PHC3: variants seen among roughly 807,000 people sequenced by gnomAD.
PHC3 encodes polyhomeotic-like protein 3.
In PHC3, 13 loss-of-function variants were observed where a neutral mutation model predicts 107.4. That is an observed-to-expected ratio of 0.12 (90% confidence interval 0.08 to 0.19). The LOEUF is 0.19. PHC3 is among the 10% of genes least tolerant of loss of function. The pLI is 1.00. For synonymous variants in PHC3, 456 were observed against 427.4 expected (o/e 1.07, Z -0.83); for missense variants, 992 against 1,210.9 (o/e 0.82, Z 2.68).
At chr3:170,180,432 AGAGT>A (rs1182314056) in intron 1 of PHC3, among the ~76,000 whole-genome samples, 1 of 152,298 alleles carries the variant, frequency 6.6e-6, no homozygotes, top group South Asian at 2.1e-4. Context: ...CTGGGAGATA[AGAGT>A]GAGAGACGCT....
At position 170,128,699 on chromosome 3, in the gene PHC3, A is replaced by G. The variant is rs1410841117; in HGVS notation, c.1773T>C (p.Pro591=). The part of the protein sequence containing the change: ...AVNLQVQPPA[P]VDPPVVYQVE... ...AAGGGCTTACCACTGGTGGATCAAC[A>G]GGTGCTGGTGGTTGCACTTGTAGGT... The change falls in exon 8 of 15, where the codon CCT becomes CCC. Residue 591 remains proline, a synonymous_variant. Transcript: ENST00000495893. 1 of 1,613,868 alleles carries G rather than the reference A, an allele frequency of 6.2e-7. No individual in the cohort carries two copies. Among genetic ancestry groups the G allele is most frequent in the Admixed American group, 1.7e-5 (1 of 60,016 alleles).
rs2108222618 is a variant in PHC3 at position 170,091,093 on chromosome 3, CACTT to C, written c.*6133_*6136del. On this transcript the variant is annotated 3_prime_UTR_variant, in exon 15 of 15. Transcript: ENST00000495893. ...TAAACACCAACTTTTTCACCACCATCACTTAAAGCTCCACAAAGCTTGGATTTAA... is the reference window on the plus strand; with the variant it reads ...TAAACACCAACTTTTTCACCACCATCAAAGCTCCACAAAGCTTGGATTTAA... 1 of 152,302 alleles carries C rather than the reference CACTT, an allele frequency of 6.6e-6. No individual in the cohort carries two copies. Among genetic ancestry groups the C allele is most frequent in the East Asian group, 1.9e-4 (1 of 5,186 alleles). The allele number at this position is 152,302 out of a possible 1,614,324, so 9.4% of individuals were successfully genotyped here. A position where few individuals can be genotyped will look rare whatever the true frequency, so the allele number is the denominator to read the frequency against.
Position 170,102,495 on chromosome 3 carries a change from G to A in PHC3, c.2817C>T (p.Phe939=), listed in dbSNP as rs1236591521. The change falls in exon 14 of 15, where the codon TTC becomes TTT. Residue 939 remains phenylalanine (F), a synonymous_variant. Coordinates refer to ENST00000495893, the MANE Select transcript of PHC3 (RefSeq NM_024947.4). ...SIWTVDDVWA[F]IHSLPGCQDI... is the part of the protein sequence containing the mutation. ...ATTACATACCAGGCAAAGAATGGAT[G>A]AAGGCCCAGACATCATCAACTGTCC... is the stretch of plus-strand genomic sequence containing the variant. 9 of 1,613,536 alleles carry A rather than the reference G, an allele frequency of 5.6e-6. No homozygotes were observed. Among genetic ancestry groups the A allele is most frequent in the Non-Finnish European group, 7.6e-6 (9 of 1,179,724 alleles).
chr3:170,138,801 GT>G (rs1723576303), intron 6 of PHC3, among the ~76,000 whole-genome samples: 1 of 151,734 alleles, frequency 6.6e-6, no homozygotes, highest in African/African-American at 2.4e-5. Context: ...CAAGCCCCCA[GT>G]TTCTAGTCCT....
chr3:170,103,020 G>C, intron 12 of PHC3, 86 bp from the exon 13 acceptor site: 2 of 1,260,440 alleles, frequency 1.6e-6, no homozygotes, highest in Non-Finnish European at 2.2e-6. Context: ...GTGCAACTGT[G>C]AATCAGTAAG....
chr3:170,110,857 T>C (rs1717506173), intron 11 of PHC3, among the ~76,000 whole-genome samples: 1 of 152,196 alleles, frequency 6.6e-6, no homozygotes, highest in Non-Finnish European at 1.5e-5. Context: ...GGGAGACACA[T>C]TATAAATACT....
At position 170,097,326 on chromosome 3, in the gene PHC3, G is replaced by A. The variant is rs1714752949; in HGVS notation, c.2892C>T (p.Leu964=). The A allele has an allele frequency of 1.9e-6, 3 of 1,613,616 alleles. No individual in the cohort carries two copies. The highest frequency in any genetic ancestry group is 1.7e-5 in the Admixed American group (1 of 59,984). ...TCATGAGATGGTCTTCTTTCAGCAA[G>A]AGAAGGGCCTGTCCATCAATCTCCT... ...RAQEIDGQAL[L]LLKEDHLMSA... is the part of the protein sequence containing the mutation. Residue 964 remains leucine, a synonymous_variant, in exon 15 of 15, where the codon CTC becomes CTT. Coordinates refer to ENST00000495893, the MANE Select transcript of PHC3 (RefSeq NM_024947.4). The surrounding 1 kb of genome is among the most constrained non-coding windows in gnomAD (Gnocchi z 4.1).
At chr3:170,159,886 G>GA (rs1262478216) in intron 4 of PHC3, among the ~76,000 whole-genome samples, 7 of 151,956 alleles carry the variant, frequency 4.6e-5, no homozygotes, top group African/African-American at 9.6e-5. Context: ...AATTTCCTCA[G>GA]AAAAAATATT....
At chr3:170,112,177 A>G (rs1052673517) in intron 11 of PHC3, among the ~76,000 whole-genome samples, 4 of 152,048 alleles carry the variant, frequency 2.6e-5, no homozygotes, top group African/African-American at 7.2e-5. Flanking sequence ...GCTTTCCTTC[A>G]GTCATTTTGG....
At chr3:170,174,239 G>C (rs1412934258) in intron 2 of PHC3, among the ~76,000 whole-genome samples, 2 of 151,512 alleles carry the variant, frequency 1.3e-5, no homozygotes, top group African/African-American at 4.8e-5. Context: ...AAATTATAAA[G>C]CTATTTCTTC....
chr3:170,164,852 ATAAT>A (rs1728477366), intron 4 of PHC3, among the ~76,000 whole-genome samples: 1 of 152,162 alleles, frequency 6.6e-6, no homozygotes, highest in Non-Finnish European at 1.5e-5. Context: ...CTTTTAGACA[ATAAT>A]TACTCTACTC....
intron 8 of PHC3, among the ~76,000 whole-genome samples, chr3:170,126,396 G>A (rs1721240158): frequency 6.6e-6 from 1 of 151,098 alleles, no homozygotes; most frequent in South Asian, 2.1e-4. Flanking sequence ...TGATAGCAGA[G>A]AAAGTTATTA....
intron 4 of PHC3, 136 bp from the exon 5 acceptor site, chr3:170,149,380 G>A: frequency 1.4e-6 from 1 of 692,452 alleles, no homozygotes; most frequent in South Asian, 3.2e-5. Context: ...CTTTATCTTT[G>A]ACAGACCCCC....
In PHC3 at chr3:170,089,929, G is replaced by GAAAAAAAAAAA. The variant is rs1203894075; in HGVS notation, c.*7290_*7300dup. 1 of 100,704 alleles carries GAAAAAAAAAAA rather than the reference G, an allele frequency of 9.9e-6. No individual in the cohort carries two copies. Among genetic ancestry groups the GAAAAAAAAAAA allele is most frequent in the African/African-American group, 3.6e-5 (1 of 27,946 alleles). The allele number at this position is 100,704 out of a possible 1,614,324, so 6.2% of individuals were successfully genotyped here. A position where few individuals can be genotyped will look rare whatever the true frequency, so the allele number is the denominator to read the frequency against. ...GAACCCATCTCAAAAAAAAAAAAAA[G>GAAAAAAAAAAA]AAAAAAAAAAAAAAAGAAAGAAAGT... On this transcript the variant is annotated 3_prime_UTR_variant, in exon 15 of 15. Coordinates refer to ENST00000495893, the MANE Select transcript of PHC3 (RefSeq NM_024947.4).
At chr3:170,150,870 T>A (rs1490269367) in intron 4 of PHC3, among the ~76,000 whole-genome samples, 1 of 152,086 alleles carries the variant, frequency 6.6e-6, no homozygotes, top group Non-Finnish European at 1.5e-5. Context: ...CTCTTTTTTT[T>A]ATCTTTCTAA....
intron 4 of PHC3, among the ~76,000 whole-genome samples, chr3:170,159,451 T>A (rs1727496579): frequency 6.6e-6 from 1 of 151,514 alleles, no homozygotes; most frequent in African/African-American, 2.4e-5. Context: ...TAAGGAAATA[T>A]CCCACACACA....
intron 14 of PHC3, among the ~76,000 whole-genome samples, chr3:170,101,948 G>A (rs1715557892): frequency 6.6e-6 from 1 of 151,974 alleles, no homozygotes; most frequent in African/African-American, 2.4e-5. Flanking sequence ...TTTATTTATT[G>A]AAAAGAATCA....
intron 9 of PHC3, among the ~76,000 whole-genome samples, chr3:170,117,844 CAA>C (rs556845192): frequency 8.5e-6 from 1 of 117,962 alleles, no homozygotes. Context: ...AAAAAAAAAC[CAA>C]AAAAAAAAAA....
chr3:170,114,243 A>G (rs1403642745), intron 10 of PHC3, among the ~76,000 whole-genome samples: 1 of 152,140 alleles, frequency 6.6e-6, no homozygotes, highest in East Asian at 1.9e-4. Flanking sequence ...TCCCAACCTC[A>G]GGTGATCCAC....
Sources: gnomAD v4.1 joint callset for allele counts (sites outside exome capture counted in the v4.1 genomes callset) on GRCh38, gnomAD v4.1.1 for gene constraint, Gnocchi (gnomAD v3.1) non-coding constraint, MANE v1.5 for transcripts, NCBI Gene and HGNC (gene_info 2026-07-23, HGNC 2026-07-21) for gene names.